Variants in KCNS3 observed in about 807,000 individuals in gnomAD.
KCNS3 encodes delayed-rectifier potassium channel regulatory subunit KCNS3.
KCNS3 carries 13 observed loss-of-function variants against 31.0 expected under a neutral mutation model. The observed-to-expected ratio is 0.42, with a 90% CI of 0.27 to 0.67. The LOEUF (loss-of-function observed/expected upper bound fraction) is 0.67. Among genes scored for constraint, KCNS3 ranks in the 30% least tolerant of loss-of-function variants. The probability of loss-of-function intolerance (pLI) is 0.25; values close to 1 mark genes in which losing one functional copy is unlikely to be tolerated. For synonymous variants in KCNS3, 238 were observed against 241.5 expected (o/e 0.99, Z 0.13); for missense variants, 545 against 622.4 (o/e 0.88, Z 1.32).
rs138310384 is a variant in KCNS3 at position 17,932,015 on chromosome 2, C to T, written c.1007C>T (p.Ser336Phe). The T allele has an allele frequency of 6.2e-7, 1 of 1,613,990 alleles. No individual in the cohort carries two copies. The highest frequency in any genetic ancestry group is 1.3e-5 in the African/African-American group (1 of 74,878). Residue 336 changes from serine to phenylalanine, a missense_variant, in exon 3 of 3, where the codon TCC becomes TTC. Ser to Phe is a radical substitution (Grantham distance 155). Coordinates refer to ENST00000304101, the MANE Select transcript of KCNS3 (RefSeq NM_002252.5). ...CTTCTCTTCCTCTCTGTGGGCATTT[C>T]CATTTTCTCTGTGCTTATCTACTCC... ...LLLLFLSVGISIFSVLIYSVE... is the reference protein window; with the variant it reads ...LLLLFLSVGIFIFSVLIYSVE...
chr2:17,896,013 C>A (rs1433060166), intron 1 of KCNS3, among the ~76,000 whole-genome samples: 1 of 152,074 alleles, frequency 6.6e-6, no homozygotes, highest in Non-Finnish European at 1.5e-5. Context: ...AGAGTATTGG[C>A]ATATTCTGAC....
chr2:17,880,279 TG>T (rs1434258202), intron 1 of KCNS3, among the ~76,000 whole-genome samples: 1 of 152,188 alleles, frequency 6.6e-6, no homozygotes, highest in East Asian at 1.9e-4. Context: ...CTTACCTGGG[TG>T]GTGACCTTCT....
intron 1 of KCNS3, among the ~76,000 whole-genome samples, chr2:17,900,718 G>C (rs919325327): frequency 2.0e-5 from 3 of 152,094 alleles, no homozygotes; most frequent in Non-Finnish European, 4.4e-5. Context: ...TCGAACTCCT[G>C]ACTTCAGGTG....
In KCNS3 at chr2:17,886,742, G is replaced by GTTCATCCA. The variant is rs1553341184; in HGVS notation, c.-252+7937_-252+7938insTCATCCAT. On this transcript the variant is annotated intron_variant, in intron 1 of 2. Coordinates refer to ENST00000304101, the MANE Select transcript of KCNS3 (RefSeq NM_002252.5). ...CCATTCTTCCACCACCCATTTAAATGTCCATCCATCCATCCATCCATCCAT... is the reference window on the plus strand; with the variant it reads ...CCATTCTTCCACCACCCATTTAAATGTTCATCCATCCATCCATCCATCCATCCATCCAT... Among the ~76,000 whole-genome samples the GTTCATCCA allele has an allele frequency of 1.4e-4, 21 of 146,820 alleles. 1 individual carries two copies. Among genetic ancestry groups the GTTCATCCA allele is most frequent in the Admixed American group, 6.8e-5 (1 of 14,634 alleles).
chr2:17,931,054 C>CA lies in KCNS3; in HGVS notation c.46_47insA (p.Leu16HisfsTer10). On this transcript the variant is annotated frameshift_variant, in exon 3 of 3. Transcript: ENST00000304101. LOFTEE classifies it high-confidence loss of function. The surrounding 1 kb of genome is among the most constrained non-coding windows in gnomAD (Gnocchi z 5.4). ...CCATCGCCCTGGACAAGACGAGGAA[C>CA]TTGTCAACCTGAATGTGGGGGGCTT... 1 of 1,614,102 alleles carries CA rather than the reference C, an allele frequency of 6.2e-7. No individual in the cohort carries two copies. Among genetic ancestry groups the CA allele is most frequent in the South Asian group, 1.1e-5 (1 of 91,080 alleles).
At chr2:17,920,289 A>G (rs1662680805) in intron 2 of KCNS3, among the ~76,000 whole-genome samples, 1 of 152,240 alleles carries the variant, frequency 6.6e-6, no homozygotes, top group Non-Finnish European at 1.5e-5. Context: ...GGCTTGTATT[A>G]TAATACTTTC....
chr2:17,930,567 C>G (rs575490885), intron 2 of KCNS3, among the ~76,000 whole-genome samples: 1 of 152,252 alleles, frequency 6.6e-6, no homozygotes, highest in South Asian at 2.1e-4. Flanking sequence ...TTTTCCCAAA[C>G]ATGAAGAGCT....
At chr2:17,884,611 A>G (rs1022659505) in intron 1 of KCNS3, among the ~76,000 whole-genome samples, 15 of 152,132 alleles carry the variant, frequency 9.9e-5, no homozygotes, top group Non-Finnish European at 1.8e-4. Context: ...GACCATACAC[A>G]TAAAGCTTGG....
chr2:17,902,794 G>T (rs16984045), intron 1 of KCNS3, among the ~76,000 whole-genome samples: 11,727 of 152,190 alleles, frequency 0.077, 1,383 homozygotes, highest in East Asian at 0.39. Context: ...GGTGGAATCT[G>T]TATGATGATC....
chr2:17,907,278 C>T (rs2125243447), intron 1 of KCNS3, among the ~76,000 whole-genome samples: 1 of 152,314 alleles, frequency 6.6e-6, no homozygotes, highest in African/African-American at 2.4e-5. Flanking sequence ...ACTAGGATTG[C>T]AACCACTGGT....
intron 1 of KCNS3, among the ~76,000 whole-genome samples, chr2:17,903,217 T>A (rs1179583411): frequency 6.6e-6 from 1 of 152,166 alleles, no homozygotes; most frequent in Non-Finnish European, 1.5e-5. Context: ...GCAAATAAAT[T>A]GTTAAGAATT....
At chr2:17,927,448 T>A (rs1030633932) in intron 2 of KCNS3, among the ~76,000 whole-genome samples, 1 of 152,200 alleles carries the variant, frequency 6.6e-6, no homozygotes, top group Non-Finnish European at 1.5e-5. Flanking sequence ...TTTATAGTAT[T>A]AGTCAATTTC....
intron 1 of KCNS3, among the ~76,000 whole-genome samples, chr2:17,911,131 C>T (rs1662462913): frequency 6.6e-6 from 1 of 152,226 alleles, no homozygotes; most frequent in Admixed American, 6.5e-5. Flanking sequence ...AGGGACTCTA[C>T]CTCTTCTGAA....
chr2:17,932,338 T>C lies in KCNS3; in HGVS notation c.1330T>C (p.Tyr444His), dbSNP rs1474728095. 4 of 1,614,014 alleles carry C rather than the reference T, an allele frequency of 2.5e-6. No homozygotes were observed. Among genetic ancestry groups the C allele is most frequent in the Non-Finnish European group, 3.4e-6 (4 of 1,180,006 alleles). ...ACCTTACTTTAACATTAGGGATATA[T>C]ATGCACAGCGGATGCACACCTTCAT... Reference protein sequence around the residue: ...ELPYFNIRDIYAQRMHTFITS... With the variant: ...ELPYFNIRDIHAQRMHTFITS... The change falls in exon 3 of 3, where the codon TAT (tyrosine) becomes CAT (histidine). Residue 444 changes from tyrosine to histidine, a missense_variant. Physicochemically the swap from Tyr to His is moderately conservative, Grantham distance 83. Coordinates refer to ENST00000304101, the MANE Select transcript of KCNS3 (RefSeq NM_002252.5).
intron 2 of KCNS3, among the ~76,000 whole-genome samples, chr2:17,921,564 G>A (rs1320488560): frequency 1.3e-5 from 2 of 152,092 alleles, no homozygotes; most frequent in African/African-American, 2.4e-5. Flanking sequence ...ATAAGGGAAA[G>A]AGGTTTAATT....
At chr2:17,895,925 T>C (rs1301643392) in intron 1 of KCNS3, among the ~76,000 whole-genome samples, 1 of 152,150 alleles carries the variant, frequency 6.6e-6, no homozygotes, top group Non-Finnish European at 1.5e-5. Flanking sequence ...GGTATATTGG[T>C]GGATGCTGAG....
chr2:17,913,974 G>A (rs938906174), intron 1 of KCNS3, among the ~76,000 whole-genome samples: 2 of 152,190 alleles, frequency 1.3e-5, no homozygotes, highest in South Asian at 2.1e-4. Context: ...ACATCTTGCC[G>A]TAGAAGTTTT....
intron 1 of KCNS3, among the ~76,000 whole-genome samples, chr2:17,904,031 A>G (rs1662252340): frequency 6.6e-6 from 1 of 152,124 alleles, no homozygotes; most frequent in Non-Finnish European, 1.5e-5. Flanking sequence ...AGGAGTCGCC[A>G]CACTGACTTC....
At chr2:17,921,958 T>TATATATATATATATAA (rs1284771923) in intron 2 of KCNS3, among the ~76,000 whole-genome samples, 1 of 133,850 alleles carries the variant, frequency 7.5e-6, no homozygotes, top group African/African-American at 2.8e-5. Flanking sequence ...TATATATATA[T>TATATATATATATATAA]AAATACATAT....
Sources: allele counts gnomAD v4.1 joint callset (sites outside exome capture counted in the v4.1 genomes callset), GRCh38; gene constraint gnomAD v4.1.1; non-coding constraint Gnocchi (gnomAD v3.1); transcripts MANE v1.5; gene names NCBI Gene and HGNC (gene_info 2026-07-23, HGNC 2026-07-21).